Variants in PLEKHA6 observed in about 807,000 individuals in gnomAD.
PLEKHA6 encodes the protein pleckstrin homology domain-containing family A member 6.
A neutral mutation model predicts 116.7 loss-of-function variants in PLEKHA6; 60 were observed. The ratio of observed to expected loss-of-function variants is 0.51; its 90% CI spans 0.42 to 0.64. The LOEUF is 0.64. Among genes scored for constraint, PLEKHA6 ranks in the 30% least tolerant of loss-of-function variants. PLEKHA6 has a pLI of 0.00. For synonymous variants in PLEKHA6, 489 were observed against 556.1 expected, an observed-to-expected ratio of 0.88 and a Z score of 1.70; for missense variants, 1,338 against 1,422.7, an observed-to-expected ratio of 0.94 and a Z score of 0.96.
rs771987515 is a variant in PLEKHA6, at chr1:204,267,480, T to C, written c.275A>G (p.Tyr92Cys). Residue 92 changes from tyrosine (Y) to cysteine (C), a missense_variant, in exon 5 of 23, where the codon TAT becomes TGT. By Grantham distance (194) the Tyr-to-Cys change is radical. This residue lies in a region of PLEKHA6 where 140 missense variants were observed against 197.4 expected (regional missense o/e 0.71). Coordinates refer to ENST00000272203, the MANE Select transcript of PLEKHA6 (RefSeq NM_014935.5). ...AGTCCAAGGGCCAAGCTCACCTTTATAGTAGAAGAGGCAGCGATCCACCAG... is the reference window on the plus strand; with the variant it reads ...AGTCCAAGGGCCAAGCTCACCTTTACAGTAGAAGAGGCAGCGATCCACCAG... Reference protein sequence around the residue: ...FVLVDRCLFYYKDEKEESILG... With the variant: ...FVLVDRCLFYCKDEKEESILG... 3 of 1,613,776 alleles carry C rather than the reference T, an allele frequency of 1.9e-6. No individual in the cohort carries two copies. Among genetic ancestry groups the C allele is most frequent in the Admixed American group, 3.3e-5 (2 of 60,008 alleles).
intron 1 of PLEKHA6, among the ~76,000 whole-genome samples, chr1:204,345,413 T>C (rs4951364): frequency 0.58 from 88,607 of 151,904 alleles, 27,497 homozygotes; most frequent in East Asian, 0.82. Flanking sequence ...AACCCAGGCT[T>C]CTTTGCTCAG....
chr1:204,330,992 C>T (rs1489027472), intron 1 of PLEKHA6, among the ~76,000 whole-genome samples: 3 of 152,164 alleles, frequency 2.0e-5, no homozygotes, highest in South Asian at 4.2e-4. Context: ...GTCAGGAGTT[C>T]GAGACCAGCC....
At chr1:204,294,191 G>T (rs1670046019) in intron 1 of PLEKHA6, among the ~76,000 whole-genome samples, 1 of 152,196 alleles carries the variant, frequency 6.6e-6, no homozygotes, top group South Asian at 2.1e-4. Context: ...ATCCCAGGAG[G>T]ATACGGAGGA....
At chr1:204,353,309 C>T (rs947994226) in intron 1 of PLEKHA6, among the ~76,000 whole-genome samples, 2 of 152,238 alleles carry the variant, frequency 1.3e-5, no homozygotes, top group African/African-American at 4.8e-5. Flanking sequence ...AATTCCCCAC[C>T]ACTGCCCTCA....
chr1:204,233,196 T>G (rs1661444897), intron 17 of PLEKHA6, among the ~76,000 whole-genome samples: 1 of 150,638 alleles, frequency 6.6e-6, no homozygotes, highest in Non-Finnish European at 1.5e-5. Context: ...TCTTTTTTTT[T>G]TTTTGTCTAG....
At chr1:204,353,448 C>T (rs575566387) in intron 1 of PLEKHA6, among the ~76,000 whole-genome samples, 1 of 152,302 alleles carries the variant, frequency 6.6e-6, no homozygotes, top group African/African-American at 2.4e-5. Context: ...CCTGTAATCA[C>T]TCATAGTTGT....
At chr1:204,249,046 C>T (rs1220558749) in intron 11 of PLEKHA6, 76 bp from the exon 12 acceptor site, 1 of 1,546,664 alleles carries the variant, frequency 6.5e-7, no homozygotes, top group Non-Finnish European at 8.9e-7. Context: ...GGCCTGAGCC[C>T]TTAGAGGTTC....
chr1:204,339,164 A>G (rs942300294), intron 1 of PLEKHA6, among the ~76,000 whole-genome samples: 4 of 152,322 alleles, frequency 2.6e-5, no homozygotes, highest in Non-Finnish European at 4.4e-5. Flanking sequence ...TCAGGTTGAC[A>G]GGCCCCGCTG....
chr1:204,328,353 A>G (rs1457394908), intron 1 of PLEKHA6, among the ~76,000 whole-genome samples: 3 of 149,630 alleles, frequency 2.0e-5, no homozygotes, highest in Non-Finnish European at 4.4e-5. Context: ...AAGTGCTGGG[A>G]CTACAGGCGT....
chr1:204,329,250 A>T (rs1672361052), intron 1 of PLEKHA6, among the ~76,000 whole-genome samples: 1 of 152,208 alleles, frequency 6.6e-6, no homozygotes, highest in Non-Finnish European at 1.5e-5. Flanking sequence ...GACTTAAAAC[A>T]TGACTGGAAA....
intron 1 of PLEKHA6, chr1:204,327,119 G>A: frequency 2.0e-6 from 1 of 498,080 alleles, no homozygotes; most frequent in Non-Finnish European, 2.6e-6. Flanking sequence ...TGAGTCACAA[G>A]GCTGAACTCC....
In PLEKHA6 at chr1:204,241,471, C is replaced by A; in HGVS notation, c.2313G>T (p.Val771=). The change falls in exon 17 of 23, where the codon GTG becomes GTT. Residue 771 remains valine (V), a synonymous_variant. Coordinates refer to ENST00000272203, the MANE Select transcript of PLEKHA6 (RefSeq NM_014935.5). ...CAGTGGGCGATTTTGTCCGAGGGGG[C>A]ACAACGCCAACTGCAGAAAGACAGA... ...KQAALNKVGV[V]PPRTKSPTDD... is the part of the protein sequence containing the mutation. 1 of 1,601,224 alleles carries A rather than the reference C, an allele frequency of 6.2e-7. No homozygotes were observed. Among genetic ancestry groups the A allele is most frequent in the Non-Finnish European group, 8.5e-7 (1 of 1,173,604 alleles).
In PLEKHA6 at chr1:204,229,032, C is replaced by G. The variant is rs1426016334; in HGVS notation, c.2656G>C (p.Gly886Arg). ...CGGGGTGTCTCGTAGGCATGCCCGC[C>G]AGGCTCCTCTGCCCGCAGGGCTGCC... ...LEAALRAEEP[G>R]GHAYETPREE... is the part of the protein sequence containing the mutation. Residue 886 changes from glycine to arginine, a missense_variant, in exon 19 of 23, where the codon GGC becomes CGC. This residue lies in a region of PLEKHA6 where 1,136 missense variants were observed against 1,163.6 expected (regional missense o/e 0.98). Coordinates refer to ENST00000272203, the MANE Select transcript of PLEKHA6 (RefSeq NM_014935.5). 1.2e-6 allele frequency: 2 copies of G among 1,614,070 alleles called. No individual in the cohort carries two copies. Among genetic ancestry groups the G allele is most frequent in the African/African-American group, 1.3e-5 (1 of 74,916 alleles).
Position 204,370,115 on chromosome 1 carries a change from C to G in PLEKHA6, c.160+1415G>C, listed in dbSNP as rs150872658. 6.5e-3 allele frequency among the ~76,000 whole-genome samples: 985 copies of G among 152,310 alleles called. 8 individuals are homozygous for G. Among genetic ancestry groups the G allele is most frequent in the African/African-American group, 0.022 (930 of 41,554 alleles). ...GATCTCTCTGCCTCCAAAATGTATG[C>G]CTTTAACCATGACACCACTTTGCTT... is the stretch of plus-strand genomic sequence containing the variant. On this transcript the variant is annotated intron_variant, in intron 2 of 4. Coordinates refer to the PLEKHA6 transcript ENST00000564627.
chr1:204,287,486 T>C (rs1558141805), intron 1 of PLEKHA6, among the ~76,000 whole-genome samples: 1 of 152,094 alleles, frequency 6.6e-6, no homozygotes, highest in Non-Finnish European at 1.5e-5. Flanking sequence ...AAAAGGTTGG[T>C]TCTCTTTCTC....
intron 10 of PLEKHA6, 39 bp from the exon 11 acceptor site, chr1:204,249,303 AG>A: frequency 7.2e-7 from 1 of 1,387,574 alleles, no homozygotes; most frequent in Non-Finnish European, 1.0e-6. Flanking sequence ...GGGAGAAAGA[AG>A]GGGATGAAGG....
At position 204,241,432 on chromosome 1, in the gene PLEKHA6, G is replaced by A. The variant is rs767412902; in HGVS notation, c.2352C>T (p.Thr784=). Residue 784 remains threonine (T), a synonymous_variant, in exon 17 of 23, where the codon ACC becomes ACT. Coordinates refer to ENST00000272203, the MANE Select transcript of PLEKHA6 (RefSeq NM_014935.5). Reference sequence around the variant, plus strand: ...CATTCCTTCTTACCACTGCTGATGGGGTCACCTCATCATCAGTGGGCGATT... The same window carrying A: ...CATTCCTTCTTACCACTGCTGATGGAGTCACCTCATCATCAGTGGGCGATT... The part of the protein sequence containing the change: ...RTKSPTDDEV[T]PSAVVRRNAS... The A allele has an allele frequency of 6.2e-7, 1 of 1,611,244 alleles. No homozygotes were observed. The highest frequency in any genetic ancestry group is 1.1e-5 in the South Asian group (1 of 90,462).
intron 13 of PLEKHA6, among the ~76,000 whole-genome samples, chr1:204,246,198 C>A (rs1663649415): frequency 6.6e-6 from 1 of 152,162 alleles, no homozygotes. Flanking sequence ...GTAAGACCTC[C>A]CATTTATTTA....
chr1:204,239,402 T>C (rs182710076), intron 17 of PLEKHA6, among the ~76,000 whole-genome samples: 3 of 152,304 alleles, frequency 2.0e-5, no homozygotes, highest in African/African-American at 7.2e-5. Context: ...AGGTTGATTA[T>C]ATTGGACCTC....
Sources: gnomAD v4.1 joint callset for allele counts (sites outside exome capture counted in the v4.1 genomes callset) on GRCh38, gnomAD v4.1.1 for gene constraint, gnomAD v4.1.1 regional missense constraint, MANE v1.5 for transcripts, NCBI Gene and HGNC (gene_info 2026-07-23, HGNC 2026-07-21) for gene names.